POLD1: variants seen among roughly 807,000 people sequenced by gnomAD.
The protein encoded by POLD1 is DNA polymerase delta 1, catalytic subunit.
Under a neutral mutation model 129.7 loss-of-function variants are expected in POLD1, and 79 were observed. The observed-to-expected ratio is 0.61, with a 90% confidence interval of 0.51 to 0.73. POLD1 has a LOEUF of 0.73. Among genes scored for constraint, POLD1 ranks in the 30% least tolerant of loss-of-function variants. The pLI, the probability that POLD1 is intolerant of heterozygous loss-of-function variation, is 0.00. For missense variants in POLD1, 1,338 were observed against 1,595.8 expected (o/e 0.84, Z 2.75); for synonymous variants, 714 against 683.3 (o/e 1.04, Z -0.70).
At chr19:50,415,270 G>T (rs1176518651) in intron 20 of POLD1, among the ~76,000 whole-genome samples, 168 bp from the exon 21 acceptor site, 2 of 152,194 alleles carry the variant, frequency 1.3e-5, no homozygotes, top group Non-Finnish European at 2.9e-5. Flanking sequence ...GCAGCTGTGG[G>T]TTCAGGCCCT....
intron 3 of POLD1, 34 bp downstream of exon 3, chr19:50,399,518 C>T (rs1294589997): frequency 2.0e-6 from 3 of 1,495,132 alleles, no homozygotes; most frequent in African/African-American, 2.8e-5. Context: ...GTGCTGGGGC[C>T]CTGCGCTCCT....
chr19:50,396,138 G>C (rs1161274095), intron 1 of POLD1, among the ~76,000 whole-genome samples: 1 of 148,598 alleles, frequency 6.7e-6, no homozygotes, highest in African/African-American at 2.5e-5. Context: ...CCAGGCTAAA[G>C]TGCAGTGGCG....
chr19:50,401,375 ATATATATATATATATATTTT>A, intron 3 of POLD1, among the ~76,000 whole-genome samples: 1 of 52,822 alleles, frequency 1.9e-5, no homozygotes, highest in Non-Finnish European at 4.0e-5. Context: ...GTGTATATAT[ATATATATATATATATATTTT>A]TTTTTTTTTT....
At chr19:50,387,058 G>A (rs1409754807) in intron 1 of POLD1, among the ~76,000 whole-genome samples, 2 of 152,136 alleles carry the variant, frequency 1.3e-5, no homozygotes, top group African/African-American at 4.8e-5. Context: ...CGGGCGTGGT[G>A]GTGGGCGCCT....
At chr19:50,415,899 C>A in intron 22 of POLD1, 73 bp downstream of exon 22, 1 of 1,169,942 alleles carries the variant, frequency 8.5e-7, no homozygotes, top group Non-Finnish European at 1.2e-6. Flanking sequence ...ATGGGCGGGC[C>A]TGCGGGAAGG....
At chr19:50,405,328 C>G (rs555681505) in intron 10 of POLD1, among the ~76,000 whole-genome samples, 1 of 152,278 alleles carries the variant, frequency 6.6e-6, no homozygotes, top group East Asian at 1.9e-4. Flanking sequence ...TCTGAGGTGC[C>G]GGGGGTTAGG....
At chr19:50,403,618 A>C in intron 10 of POLD1, 21 bp downstream of exon 10, 1 of 1,528,884 alleles carries the variant, frequency 6.5e-7, no homozygotes, top group Non-Finnish European at 9.1e-7. Context: ...GGCAGGTGGG[A>C]GGCTTCTCTC....
chr19:50,411,292 A>G (rs888545130), intron 17 of POLD1, among the ~76,000 whole-genome samples: 4 of 152,026 alleles, frequency 2.6e-5, no homozygotes, highest in Non-Finnish European at 5.9e-5. Context: ...TCTGCCTTTC[A>G]CAGTCCCCGG....
chr19:50,413,697 G>A, intron 18 of POLD1, 45 bp from the exon 19 acceptor site: 5 of 1,565,632 alleles, frequency 3.2e-6, no homozygotes, highest in Non-Finnish European at 3.5e-6. Context: ...GTAGTTGACA[G>A]AAGGGACCCT....
In POLD1 at chr19:50,403,238, C is replaced by T; in HGVS notation, c.1137+19C>T. The T allele has an allele frequency of 6.5e-7, 1 of 1,531,364 alleles. No individual in the cohort carries two copies. Among genetic ancestry groups the T allele is most frequent in the Non-Finnish European group, 8.8e-7 (1 of 1,134,928 alleles). 94.9% of individuals were successfully genotyped at this position (1,531,364 alleles called of 1,614,324 possible). ...GCTGCAGGTAGCTCTCGCTCCACGCCCCACACCATTTCCCGGGGTCCCCGC... is the reference window on the plus strand; with the variant it reads ...GCTGCAGGTAGCTCTCGCTCCACGCTCCACACCATTTCCCGGGGTCCCCGC... On this transcript the variant is annotated intron_variant, in intron 9 of 26. Coordinates refer to ENST00000440232, the MANE Select transcript of POLD1 (RefSeq NM_002691.4).
At chr19:50,398,792 A>T (rs1001985829) in intron 1 of POLD1, 59 bp from the exon 2 acceptor site, 8 of 1,567,370 alleles carry the variant, frequency 5.1e-6, no homozygotes, top group Non-Finnish European at 6.9e-6. Context: ...GATGCCATGG[A>T]GACAGGGTAA....
chr19:50,415,759 T>C lies in POLD1; in HGVS notation c.2753T>C (p.Leu918Pro). The change falls in exon 22 of 27, where the codon CTG becomes CCG. Residue 918 changes from leucine (L) to proline (P), a missense_variant. Around this residue, in one of 3 missense-constraint regions of POLD1, gnomAD observed 286 missense variants for 277.5 expected, o/e 1.03. Coordinates refer to ENST00000440232, the MANE Select transcript of POLD1 (RefSeq NM_002691.4). ...RKRDPGSAPSLGDRVPYVIIS... is the reference protein window; with the variant it reads ...RKRDPGSAPSPGDRVPYVIIS... ...CGGGACCCCGGGAGTGCGCCCAGCC[T>C]GGGCGACCGCGTCCCCTACGTGATC... The C allele has an allele frequency of 6.8e-7, 1 of 1,466,154 alleles. No individual in the cohort carries two copies. Among genetic ancestry groups the C allele is most frequent in the Non-Finnish European group, 9.1e-7 (1 of 1,096,468 alleles). The allele number at this position is 1,466,154 out of a possible 1,614,324, so 90.8% of individuals were successfully genotyped here. A position where few individuals can be genotyped will look rare whatever the true frequency, so the allele number is the denominator to read the frequency against.
chr19:50,402,959 C>A, intron 8 of POLD1, 94 bp from the exon 9 acceptor site: 3 of 1,469,456 alleles, frequency 2.0e-6, no homozygotes, highest in Non-Finnish European at 2.8e-6. Context: ...CGGCAGGCAG[C>A]GGGGACAGCC....
In POLD1 at chr19:50,403,523, C is replaced by T. The variant is rs2038747136; in HGVS notation, c.1168C>T (p.Pro390Ser). 1.2e-6 allele frequency: 2 copies of T among 1,614,066 alleles called. No individual in the cohort carries two copies. The highest frequency in any genetic ancestry group is 8.5e-7 in the Non-Finnish European group (1 of 1,179,912). ...AWSTFIRIMD[P>S]DVITGYNIQN... ...GTCCACCTTCATCCGTATCATGGACCCCGACGTGATCACCGGTTACAACAT... is the reference window on the plus strand; with the variant it reads ...GTCCACCTTCATCCGTATCATGGACTCCGACGTGATCACCGGTTACAACAT... Residue 390 changes from proline to serine, a missense_variant, in exon 10 of 27, where the codon CCC (proline) becomes TCC (serine). By Grantham distance (74) the Pro-to-Ser change is moderately conservative. This residue lies in a region of POLD1 where 720 missense variants were observed against 1,002.6 expected (regional missense o/e 0.72). Transcript: ENST00000440232.
At chr19:50,389,911 GTTTT>G (rs565529491) in intron 1 of POLD1, among the ~76,000 whole-genome samples, 3 of 136,870 alleles carry the variant, frequency 2.2e-5, no homozygotes, top group Non-Finnish European at 4.8e-5. Context: ...TTTTTGTTTT[GTTTT>G]TTTTTTCTTT....
chr19:50,410,010 C>T (rs891016893), intron 17 of POLD1, among the ~76,000 whole-genome samples: 5 of 152,132 alleles, frequency 3.3e-5, no homozygotes, highest in Admixed American at 6.5e-5. Context: ...GCTTTGCAGC[C>T]GGATAAAGCA....
intron 17 of POLD1, among the ~76,000 whole-genome samples, chr19:50,411,537 A>G (rs2039087608): frequency 6.6e-6 from 1 of 152,208 alleles, no homozygotes; most frequent in Non-Finnish European, 1.5e-5. Flanking sequence ...CAAGAGGTGG[A>G]ATAATAAAAA....
intron 3 of POLD1, among the ~76,000 whole-genome samples, chr19:50,400,133 ATTTTTTTTTTTTTTTT>A (rs71182715): frequency 2.1e-5 from 1 of 48,132 alleles, no homozygotes; most frequent in Non-Finnish European, 4.3e-5. Flanking sequence ...TTTTTAAAAG[ATTTTTTTTTTTTTTTT>A]TTTTTTTTTT....
In POLD1 at chr19:50,402,694, C is replaced by T. The variant is rs1060501823; in HGVS notation, c.923C>T (p.Ala308Val). 1.0e-5 allele frequency: 16 copies of T among 1,599,282 alleles called. No homozygotes were observed. Among genetic ancestry groups the T allele is most frequent in the East Asian group, 2.3e-5 (1 of 44,374 alleles). Reference sequence around the variant, plus strand: ...CCGGAAGGGCCATGGCAGCGCATTGCGCCCTTGCGCGTGCTCAGCTTCGAT... The same window carrying T: ...CCGGAAGGGCCATGGCAGCGCATTGTGCCCTTGCGCGTGCTCAGCTTCGAT... Reference protein sequence around the residue: ...HPPEGPWQRIAPLRVLSFDIE... With the variant: ...HPPEGPWQRIVPLRVLSFDIE... The change falls in exon 8 of 27, where the codon GCG becomes GTG. Residue 308 changes from alanine to valine, a missense_variant. Ala to Val is a moderately conservative substitution (Grantham distance 64). Around this residue, in one of 3 missense-constraint regions of POLD1, gnomAD observed 720 missense variants for 1,002.6 expected, o/e 0.72. Coordinates refer to ENST00000440232, the MANE Select transcript of POLD1 (RefSeq NM_002691.4).
Sources: gnomAD v4.1 joint callset for allele counts (sites outside exome capture counted in the v4.1 genomes callset) on GRCh38, gnomAD v4.1.1 for gene constraint, gnomAD v4.1.1 regional missense constraint, MANE v1.5 for transcripts, NCBI Gene and HGNC (gene_info 2026-07-23, HGNC 2026-07-21) for gene names.